FAM120B: variants seen among roughly 807,000 people sequenced by gnomAD.
The protein encoded by FAM120B is family with sequence similarity 120 member B.
Under a neutral mutation model 96.3 loss-of-function variants are expected in FAM120B, and 83 were observed. The ratio of observed to expected loss-of-function variants is 0.86; its 90% CI spans 0.72 to 1.03. The LOEUF (loss-of-function observed/expected upper bound fraction) is 1.03. FAM120B is among the 50% of genes least tolerant of loss of function. The pLI is 0.00. For synonymous variants in FAM120B, 407 were observed against 402.7 expected (o/e 1.01, Z -0.13); for missense variants, 1,027 against 1,121.2 (o/e 0.92, Z 1.20).
intron 6 of FAM120B, among the ~76,000 whole-genome samples, chr6:170,384,919 G>A (rs1326314969): frequency 6.6e-6 from 1 of 152,210 alleles, no homozygotes. Flanking sequence ...TCTCTCAAGA[G>A]CTGATAGGAC....
chr6:170,346,033 T>A (rs1787158348), intron 4 of FAM120B, among the ~76,000 whole-genome samples: 1 of 152,220 alleles, frequency 6.6e-6, no homozygotes, highest in Non-Finnish European at 1.5e-5. Context: ...CAAGCATTTG[T>A]GTATGTAAAC....
intron 1 of FAM120B, among the ~76,000 whole-genome samples, chr6:170,307,431 A>G (rs567730461): frequency 2.4e-4 from 36 of 152,192 alleles, no homozygotes; most frequent in Non-Finnish European, 4.9e-4. Flanking sequence ...CACAATGTAG[A>G]AAGAAAAGGG....
At chr6:170,391,272 C>T (rs1197074596) in intron 8 of FAM120B, 151 bp downstream of exon 8, 7 of 617,236 alleles carry the variant, frequency 1.1e-5, no homozygotes, top group South Asian at 5.6e-5. Flanking sequence ...CGGTGGCTCA[C>T]GCCTGTAATC....
At chr6:170,394,638 CCG>C (rs1562597245) in intron 8 of FAM120B, among the ~76,000 whole-genome samples, 1 of 94,650 alleles carries the variant, frequency 1.1e-5, no homozygotes. Context: ...TCCGTGGACA[CCG>C]CAGCATGCCA....
At chr6:170,378,008 G>A (rs1284183566) in intron 6 of FAM120B, among the ~76,000 whole-genome samples, 1 of 152,226 alleles carries the variant, frequency 6.6e-6, no homozygotes, top group East Asian at 1.9e-4. Flanking sequence ...AAATGTTTAT[G>A]TTTTGAGTCA....
chr6:170,399,945 T>A lies in FAM120B; in HGVS notation c.2692+4366T>A. Among the ~76,000 whole-genome samples, 2 of 95,184 alleles carry A rather than the reference T, an allele frequency of 2.1e-5. 1 individual carries two copies. Among genetic ancestry groups the A allele is most frequent in the South Asian group, 7.0e-4 (2 of 2,862 alleles). The allele number at this position is 95,184 out of a possible 152,430, so 62.4% of individuals were successfully genotyped here. A position where few individuals can be genotyped will look rare whatever the true frequency, so the allele number is the denominator to read the frequency against. On this transcript the variant is annotated intron_variant, in intron 9 of 10. Coordinates refer to ENST00000476287, the MANE Select transcript of FAM120B (RefSeq NM_032448.3). ...CTATGTCATAACTCTTAGGAGTGAG[T>A]GGGGAAGGTAGAACTATGTCATAAC...
intron 1 of FAM120B, 69 bp downstream of exon 1, chr6:170,306,911 C>T (rs902988815): frequency 1.3e-5 from 2 of 152,322 alleles, no homozygotes; most frequent in African/African-American, 4.8e-5. Context: ...CGTCCGTTAC[C>T]CGCGTCCGAC....
chr6:170,291,190 T>A, upstream of FAM120B: 1 of 509,656 alleles, frequency 2.0e-6, no homozygotes, highest in Admixed American at 2.4e-5. Flanking sequence ...CAAAACGCAC[T>A]CATTTACATT....
chr6:170,310,903 A>G (rs1367014068), intron 1 of FAM120B, among the ~76,000 whole-genome samples: 1 of 152,202 alleles, frequency 6.6e-6, no homozygotes, highest in Non-Finnish European at 1.5e-5. Flanking sequence ...AGCTCCTAAC[A>G]TAGGCCTTGG....
chr6:170,376,549 G>A (rs1041589966), intron 6 of FAM120B, among the ~76,000 whole-genome samples: 4 of 152,116 alleles, frequency 2.6e-5, no homozygotes, highest in African/African-American at 9.7e-5. Context: ...ATGCGGGGAT[G>A]ACCACGTGCA....
intron 6 of FAM120B, among the ~76,000 whole-genome samples, chr6:170,386,559 T>C (rs1790197089): frequency 1.3e-5 from 2 of 152,148 alleles, no homozygotes; most frequent in Non-Finnish European, 2.9e-5. Flanking sequence ...AATAGAAAAC[T>C]AGAAACCTTG....
intron 8 of FAM120B, among the ~76,000 whole-genome samples, chr6:170,393,362 T>G (rs2115325057): frequency 6.6e-6 from 1 of 152,286 alleles, no homozygotes; most frequent in East Asian, 1.9e-4. Context: ...AAGTTTATTT[T>G]GAGCACTAAA....
chr6:170,358,099 C>A, intron 5 of FAM120B, 127 bp from the exon 6 acceptor site: 1 of 742,270 alleles, frequency 1.3e-6, no homozygotes. Flanking sequence ...TGTGCGTGTG[C>A]CTGTACGTGC....
At chr6:170,328,645 A>G (rs1482321290) in intron 3 of FAM120B, among the ~76,000 whole-genome samples, 2 of 152,000 alleles carry the variant, frequency 1.3e-5, no homozygotes, top group Non-Finnish European at 2.9e-5. Flanking sequence ...AGCTTCCTAA[A>G]TCTATGGGTT....
intron 5 of FAM120B, among the ~76,000 whole-genome samples, chr6:170,352,852 C>T (rs1465402711): frequency 2.0e-5 from 3 of 151,962 alleles, no homozygotes. Flanking sequence ...AAAGAAAACC[C>T]CAAAGCTAGC....
chr6:170,394,301 T>A (rs1790612937), intron 8 of FAM120B, among the ~76,000 whole-genome samples: 1 of 152,202 alleles, frequency 6.6e-6, no homozygotes, highest in Admixed American at 6.5e-5. Flanking sequence ...TCTACCCACC[T>A]CATACTGGGG....
intron 1 of FAM120B, among the ~76,000 whole-genome samples, chr6:170,310,761 A>T (rs1228973787): frequency 6.6e-6 from 1 of 152,208 alleles, no homozygotes; most frequent in Non-Finnish European, 1.5e-5. Context: ...AATTGAGTAC[A>T]TTTTGATATA....
At chr6:170,337,724 G>A (rs533000434) in intron 4 of FAM120B, among the ~76,000 whole-genome samples, 6 of 151,328 alleles carry the variant, frequency 4.0e-5, no homozygotes, top group South Asian at 4.2e-4. Flanking sequence ...TTATTGGTCC[G>A]TTCAGGGATT....
chr6:170,317,259 CAA>C (rs766499737), intron 1 of FAM120B, 109 bp from the exon 2 acceptor site: 134 of 821,504 alleles, frequency 1.6e-4, no homozygotes, highest in Non-Finnish European at 2.3e-4. Context: ...ACCTTGGAGA[CAA>C]GAGTGTTTTT....
Sources: allele counts gnomAD v4.1 joint callset (sites outside exome capture counted in the v4.1 genomes callset), GRCh38; gene constraint gnomAD v4.1.1; transcripts MANE v1.5; gene names NCBI Gene and HGNC (gene_info 2026-07-23, HGNC 2026-07-21).